SLC44A5: variants seen among roughly 807,000 people sequenced by gnomAD.
SLC44A5 encodes solute carrier family 44 member 5, also known as choline transporter-like protein 5.
A neutral mutation model predicts 101.8 loss-of-function variants in SLC44A5; 57 were observed. The ratio of observed to expected loss-of-function variants is 0.56; its 90% confidence interval spans 0.45 to 0.70. The LOEUF is 0.70. Among genes scored for constraint, SLC44A5 ranks in the 30% least tolerant of loss-of-function variants. The probability of loss-of-function intolerance (pLI) is 0.00; values close to 1 mark genes in which losing one functional copy is unlikely to be tolerated. For missense variants in SLC44A5, 737 were observed against 853.1 expected, an observed-to-expected ratio of 0.86 and a Z score of 1.70; for synonymous variants, 281 against 290.9, an observed-to-expected ratio of 0.97 and a Z score of 0.35.
chr1:75,466,169 C>T (rs1212234376), intron 2 of SLC44A5, among the ~76,000 whole-genome samples: 1 of 152,104 alleles, frequency 6.6e-6, no homozygotes, highest in Admixed American at 6.6e-5. Context: ...ATTTAAAAGG[C>T]CATTTGTCAT....
the SLC44A5 span, among the ~76,000 whole-genome samples, chr1:75,699,599 GAA>G: frequency 5.9e-5 from 6 of 102,070 alleles, no homozygotes; most frequent in South Asian, 6.8e-4. Context: ...ACCAATTAAC[GAA>G]AAAAAAAAAA....
intron 2 of SLC44A5, among the ~76,000 whole-genome samples, chr1:75,408,490 A>T (rs1663052104): frequency 3.9e-5 from 6 of 152,192 alleles, no homozygotes; most frequent in Admixed American, 3.3e-4. Flanking sequence ...TAGACTAGAT[A>T]AAGAAAATGT....
At chr1:75,529,743 T>G (rs1670618797) in intron 2 of SLC44A5, among the ~76,000 whole-genome samples, 2 of 152,166 alleles carry the variant, frequency 1.3e-5, no homozygotes, top group African/African-American at 4.8e-5. Flanking sequence ...ACTTTAGATT[T>G]AGAGATAGAG....
chr1:75,709,703 A>G, the SLC44A5 span, among the ~76,000 whole-genome samples: 1 of 152,208 alleles, frequency 6.6e-6, no homozygotes, highest in South Asian at 2.1e-4. Context: ...CTGTTTAAAC[A>G]TTGTATCTTT....
intron 3 of SLC44A5, among the ~76,000 whole-genome samples, chr1:75,352,769 A>G (rs192728232): frequency 8.5e-5 from 13 of 152,284 alleles, no homozygotes; most frequent in African/African-American, 3.1e-4. Context: ...TATACCCCAT[A>G]CTACGTGTAT....
chr1:75,396,451 A>C, intron 3 of SLC44A5, 132 bp downstream of exon 3: 1 of 744,038 alleles, frequency 1.3e-6, no homozygotes, highest in Non-Finnish European at 2.2e-6. Context: ...ATCCAAAAAA[A>C]GCTTCAGTCA....
At position 75,546,578 on chromosome 1, in the gene SLC44A5, A is replaced by C. The variant is rs570628724; in HGVS notation, c.-69-5062T>G. Among the ~76,000 whole-genome samples, 38 of 152,198 alleles carry C rather than the reference A, an allele frequency of 2.5e-4. No individual in the cohort carries two copies. In the East Asian group the frequency reaches 6.6e-3, roughly 26 times the overall value. The stretch of plus-strand genomic sequence containing the variant: ...TAAATTTTAATCGCATTTTTCTTTA[A>C]TTTTTACATTTCCAATGTAACATGT... On this transcript the variant is annotated intron_variant, in intron 1 of 23. Transcript: ENST00000370859.
At chr1:75,646,659 C>G in the SLC44A5 span, among the ~76,000 whole-genome samples, 14,163 of 152,116 alleles carry the variant, frequency 0.093, 861 homozygotes, top group East Asian at 0.25. Context: ...AGAGTTCTCA[C>G]GAGATCTGAT....
intron 1 of SLC44A5, among the ~76,000 whole-genome samples, chr1:75,560,232 T>A (rs1041196295): frequency 5.3e-5 from 8 of 152,152 alleles, no homozygotes; most frequent in African/African-American, 1.9e-4. Flanking sequence ...CTTGTACAAA[T>A]ATGTTTGTAG....
the SLC44A5 span, among the ~76,000 whole-genome samples, chr1:75,685,414 T>A: frequency 6.6e-6 from 1 of 152,208 alleles, no homozygotes; most frequent in Non-Finnish European, 1.5e-5. Flanking sequence ...ACGCTGCAAA[T>A]TTTCTGAACT....
At chr1:75,505,390 T>C (rs1669195332) in intron 2 of SLC44A5, among the ~76,000 whole-genome samples, 1 of 152,170 alleles carries the variant, frequency 6.6e-6, no homozygotes, top group Non-Finnish European at 1.5e-5. Flanking sequence ...ATAGCTGGAA[T>C]AAATTGTAGT....
intron 2 of SLC44A5, among the ~76,000 whole-genome samples, chr1:75,405,166 AC>A (rs1412165199): frequency 6.6e-6 from 1 of 152,208 alleles, no homozygotes; most frequent in Non-Finnish European, 1.5e-5. Flanking sequence ...ATATATATGC[AC>A]CCAATACAGG....
intron 14 of SLC44A5, among the ~76,000 whole-genome samples, chr1:75,221,352 G>A (rs185340309): frequency 7.2e-5 from 11 of 152,234 alleles, no homozygotes; most frequent in South Asian, 2.1e-4. Context: ...ACTTCCATGC[G>A]TTATTAAAAA....
the SLC44A5 span, among the ~76,000 whole-genome samples, chr1:75,638,510 T>C: frequency 6.6e-6 from 1 of 152,050 alleles, no homozygotes; most frequent in Non-Finnish European, 1.5e-5. Flanking sequence ...AGTGGTGCAG[T>C]CTAGGTTTAA....
intron 2 of SLC44A5, among the ~76,000 whole-genome samples, chr1:75,514,491 A>C (rs1232881802): frequency 6.6e-6 from 1 of 152,228 alleles, no homozygotes; most frequent in Non-Finnish European, 1.5e-5. Flanking sequence ...CATAACAGAC[A>C]CTGAATGGGC....
intron 2 of SLC44A5, among the ~76,000 whole-genome samples, chr1:75,529,573 A>T (rs1222040700): frequency 6.6e-6 from 1 of 152,094 alleles, no homozygotes; most frequent in Non-Finnish European, 1.5e-5. Flanking sequence ...AAGGAAAAGT[A>T]CTCCTTCCAA....
Position 75,237,043 on chromosome 1 carries a change from C to A in SLC44A5, c.684G>T (p.Lys228Asn). ...CTTCAAACACTTTCAATCCAAGTGACTTTGCATCAAGAAGTTTATTGATAC... is the reference window on the plus strand; with the variant it reads ...CTTCAAACACTTTCAATCCAAGTGAATTTGCATCAAGAAGTTTATTGATAC... ...ANGINKLLDA[K>N]SLGLKVFEDY... The change falls in exon 11 of 24, where the codon AAG (lysine) becomes AAT (asparagine). Residue 228 changes from lysine to asparagine, a missense_variant. Physicochemically the swap from Lys to Asn is moderately conservative, Grantham distance 94. Around this residue, in one of 3 missense-constraint regions of SLC44A5, gnomAD observed 665 missense variants for 764.4 expected, o/e 0.87. Coordinates refer to ENST00000370859, the MANE Select transcript of SLC44A5 (RefSeq NM_001130058.2). The A allele has an allele frequency of 6.2e-7, 1 of 1,602,304 alleles. No individual in the cohort carries two copies. The highest frequency in any genetic ancestry group is 8.5e-7 in the Non-Finnish European group (1 of 1,171,676).
At chr1:75,580,636 C>T (rs541903123) in intron 1 of SLC44A5, among the ~76,000 whole-genome samples, 6 of 152,152 alleles carry the variant, frequency 3.9e-5, no homozygotes, top group African/African-American at 1.2e-4. Context: ...ACCAGGAGTT[C>T]GAGACCAGCC....
At chr1:75,495,101 G>A (rs1570446415) in intron 2 of SLC44A5, among the ~76,000 whole-genome samples, 1 of 152,228 alleles carries the variant, frequency 6.6e-6, no homozygotes, top group Non-Finnish European at 1.5e-5. Context: ...GTGACAAACA[G>A]AAGAACAAGA....
Sources: allele counts gnomAD v4.1 joint callset (sites outside exome capture counted in the v4.1 genomes callset), GRCh38; gene constraint gnomAD v4.1.1; regional missense constraint gnomAD v4.1.1; transcripts MANE v1.5; gene names NCBI Gene and HGNC (gene_info 2026-07-23, HGNC 2026-07-21).